The following SMAD5 variants were observed in gnomAD, a reference collection of about 807,000 sequenced individuals.
The protein encoded by SMAD5 is MAD, mothers against decapentaplegic homolog 5.
In SMAD5, 9 loss-of-function variants were observed where a neutral mutation model predicts 43.1. The ratio of observed to expected loss-of-function variants is 0.21; its 90% CI spans 0.13 to 0.36. The LOEUF (loss-of-function observed/expected upper bound fraction) is 0.36, where lower values mean the gene tolerates loss of function less well. Among genes scored for constraint, SMAD5 ranks in the 10% least tolerant of loss-of-function variants. The pLI, the probability that SMAD5 is intolerant of heterozygous loss-of-function variation, is 1.00. For missense variants in SMAD5, 348 were observed against 574.0 expected, an observed-to-expected ratio of 0.61 and a Z score of 4.02; for synonymous variants, 190 against 192.4, an observed-to-expected ratio of 0.99 and a Z score of 0.10.
At chr5:136,172,413 C>T in intron 5 of SMAD5, 21 bp from the exon 6 acceptor site, 1 of 1,429,994 alleles carries the variant, frequency 7.0e-7, no homozygotes, top group Non-Finnish European at 9.8e-7. Context: ...TAAACTCTTT[C>T]TGTGTCTGGT....
Position 136,154,024 on chromosome 5 carries a change from A to G in SMAD5, c.264A>G (p.Ile88Met), listed in dbSNP as rs1450108655. ...ACAGAAAAGGCTTACCCCATGTTAT[A>G]TATTGTCGTGTTTGGCGCTGGCCGG... ...VSHRKGLPHVIYCRVWRWPDL... is the reference protein window; with the variant it reads ...VSHRKGLPHVMYCRVWRWPDL... The change falls in exon 3 of 8, where the codon ATA (isoleucine) becomes ATG (methionine). Residue 88 changes from isoleucine to methionine, a missense_variant. Transcript: ENST00000545279. 1.4e-5 allele frequency: 22 copies of G among 1,609,968 alleles called. No homozygotes were observed. Among genetic ancestry groups the G allele is most frequent in the Non-Finnish European group, 1.8e-5 (21 of 1,178,718 alleles).
At chr5:136,169,829 T>C (rs112445560) in intron 5 of SMAD5, among the ~76,000 whole-genome samples, 113 of 152,342 alleles carry the variant, frequency 7.4e-4, no homozygotes, top group African/African-American at 2.7e-3. Flanking sequence ...TGTGTAGTAG[T>C]ATCTCATAGT....
rs192522144 is a variant in SMAD5 at position 136,158,548 on chromosome 5, A to C, written c.404-2308A>C. Among the ~76,000 whole-genome samples the C allele has an allele frequency of 2.4e-3, 368 of 152,290 alleles. 5 individuals carry two copies. Among genetic ancestry groups the C allele is most frequent in the African/African-American group, 8.7e-3 (361 of 41,544 alleles). On this transcript the variant is annotated intron_variant, in intron 3 of 7. Coordinates refer to ENST00000545279, the MANE Select transcript of SMAD5 (RefSeq NM_005903.7). ...ATCCAGCAGTAGAGAAGGGAAGTCC[A>C]AGGACTTCAGACTTGTAGGAGACTT...
Position 136,163,254 on chromosome 5 carries a change from T to A in SMAD5, c.656-18T>A. Reference sequence around the variant, plus strand: ...TGAGCAGAATGAAGATTTTAATTATTATTTTTTTTCCTCTTAGCTGATACG... The same window carrying A: ...TGAGCAGAATGAAGATTTTAATTATAATTTTTTTTCCTCTTAGCTGATACG... On this transcript the variant is annotated intron_variant, in intron 4 of 7. Transcript: ENST00000545279. 1 of 1,565,820 alleles carries A rather than the reference T, an allele frequency of 6.4e-7. No individual in the cohort carries two copies. The highest frequency in any genetic ancestry group is 1.2e-5 in the South Asian group (1 of 85,700).
chr5:136,180,846 A>T lies in SMAD5; in HGVS notation c.*3366A>T, dbSNP rs929637811. ...TTTTATACCTTTCATAACATTTGAG[A>T]GTAAGATATCCTTCAGGATGTGAAG... On this transcript the variant is annotated 3_prime_UTR_variant, in exon 8 of 8. Transcript: ENST00000545279. 2.0e-5 allele frequency: 3 copies of T among 152,134 alleles called. No individual in the cohort carries two copies. Among genetic ancestry groups the T allele is most frequent in the Non-Finnish European group, 2.9e-5 (2 of 67,984 alleles). 9.4% of individuals were successfully genotyped at this position (152,134 alleles called of 1,614,324 possible).
Position 136,182,495 on chromosome 5 carries a change from A to T in SMAD5, c.*5015A>T, listed in dbSNP as rs948652209. On this transcript the variant is annotated 3_prime_UTR_variant, in exon 8 of 8. Coordinates refer to ENST00000545279, the MANE Select transcript of SMAD5 (RefSeq NM_005903.7). ...TTTCTTAAAAAGATATTTCATATACAGATAATGAAGACCAAGCTAGTGGCT... is the reference window on the plus strand; with the variant it reads ...TTTCTTAAAAAGATATTTCATATACTGATAATGAAGACCAAGCTAGTGGCT... 2.0e-5 allele frequency: 3 copies of T among 152,664 alleles called. No homozygotes were observed. Among genetic ancestry groups the T allele is most frequent in the Admixed American group, 2.0e-4 (3 of 15,278 alleles). 9.5% of individuals were successfully genotyped at this position (152,664 alleles called of 1,614,324 possible). A position where few individuals can be genotyped will look rare whatever the true frequency, so the allele number is the denominator to read the frequency against.
intron 5 of SMAD5, among the ~76,000 whole-genome samples, chr5:136,167,777 CAAAAAA>C (rs1016927753): frequency 2.0e-4 from 11 of 56,394 alleles, no homozygotes; most frequent in Admixed American, 9.7e-4. Flanking sequence ...GATTCCATCT[CAAAAAA>C]AAAAAAAAAA....
rs1444729995 is a variant in SMAD5, at chr5:136,177,671, C to G, written c.*191C>G. Reference sequence around the variant, plus strand: ...TTTGTATTCATGTTCATGTGATTAACTCTTAGAAGTGTTGTAAAAGATGCA... The same window carrying G: ...TTTGTATTCATGTTCATGTGATTAAGTCTTAGAAGTGTTGTAAAAGATGCA... On this transcript the variant is annotated 3_prime_UTR_variant, in exon 8 of 8. Coordinates refer to ENST00000545279, the MANE Select transcript of SMAD5 (RefSeq NM_005903.7). The G allele has an allele frequency of 1.0e-5, 5 of 500,854 alleles. No homozygotes were observed. Among genetic ancestry groups the G allele is most frequent in the African/African-American group, 9.8e-5 (5 of 50,816 alleles). 31.0% of individuals were successfully genotyped at this position (500,854 alleles called of 1,614,324 possible). A position where few individuals can be genotyped will look rare whatever the true frequency, so the allele number is the denominator to read the frequency against.
intron 5 of SMAD5, among the ~76,000 whole-genome samples, chr5:136,169,718 A>G (rs1249618892): frequency 6.6e-6 from 1 of 152,234 alleles, no homozygotes; most frequent in Non-Finnish European, 1.5e-5. Flanking sequence ...AAATGGCTGT[A>G]TCATTTTGCA....
At chr5:136,153,513 TGC>T in intron 2 of SMAD5, 77 bp from the exon 3 acceptor site, 1 of 328,906 alleles carries the variant, frequency 3.0e-6, no homozygotes, top group Non-Finnish European at 5.5e-6. Context: ...TAATAAAATA[TGC>T]CTTTCGATTA....
intron 1 of SMAD5, among the ~76,000 whole-genome samples, chr5:136,146,802 T>TA (rs1753271833): frequency 6.6e-6 from 1 of 151,812 alleles, no homozygotes; most frequent in African/African-American, 2.4e-5. Context: ...ATAGGTGGTT[T>TA]AGTTCCTTTA....
chr5:136,160,219 T>C (rs1188531097), intron 3 of SMAD5, among the ~76,000 whole-genome samples: 1 of 152,214 alleles, frequency 6.6e-6, no homozygotes, highest in Non-Finnish European at 1.5e-5. Context: ...AATATTACCA[T>C]ATTCAATATG....
chr5:136,169,104 G>A lies in SMAD5; in HGVS notation c.776-3330G>A, dbSNP rs184320297. On this transcript the variant is annotated intron_variant, in intron 5 of 7. Transcript: ENST00000545279. ...AACCTCAAAAGTAGGGAACCTGACA[G>A]TGCAGCCTTCAGTCTGTGGCCAAAG... is the stretch of plus-strand genomic sequence containing the variant. 1.8e-3 allele frequency among the ~76,000 whole-genome samples: 272 copies of A among 152,308 alleles called. 1 individual carries two copies. Among genetic ancestry groups the A allele is most frequent in the African/African-American group, 6.1e-3 (254 of 41,556 alleles).
chr5:136,174,686 C>G (rs949662701), intron 7 of SMAD5, 54 bp downstream of exon 7: 18 of 1,272,460 alleles, frequency 1.4e-5, no homozygotes, highest in Middle Eastern at 1.9e-4. Flanking sequence ...TATATTATGA[C>G]TTTAGGTTAT....
chr5:136,146,336 C>G (rs1453973734), intron 1 of SMAD5, among the ~76,000 whole-genome samples: 1 of 151,772 alleles, frequency 6.6e-6, no homozygotes, highest in Non-Finnish European at 1.5e-5. Context: ...GGGATTTTCT[C>G]TATTACTGGA....
At chr5:136,175,161 G>A (rs948568996) in intron 7 of SMAD5, among the ~76,000 whole-genome samples, 12 of 152,164 alleles carry the variant, frequency 7.9e-5, no homozygotes, top group Non-Finnish European at 1.8e-4. Flanking sequence ...ATTCACTACT[G>A]TGAGAACAGT....
At chr5:136,163,716 G>T (rs1269811545) in intron 5 of SMAD5, among the ~76,000 whole-genome samples, 4 of 152,132 alleles carry the variant, frequency 2.6e-5, no homozygotes, top group African/African-American at 9.7e-5. Flanking sequence ...TTGGAATCAT[G>T]TAATAATGTA....
intron 4 of SMAD5, among the ~76,000 whole-genome samples, chr5:136,161,747 CAAGA>C (rs1360774638): frequency 6.6e-6 from 1 of 152,114 alleles, no homozygotes; most frequent in African/African-American, 2.4e-5. Flanking sequence ...ATGTCACTGT[CAAGA>C]AATATTTGAA....
intron 1 of SMAD5, among the ~76,000 whole-genome samples, chr5:136,145,263 C>G (rs1382830013): frequency 6.6e-6 from 1 of 151,782 alleles, no homozygotes; most frequent in Non-Finnish European, 1.5e-5. Context: ...TCATTTCAGT[C>G]TCAGTGTGGA....
Sources: allele counts gnomAD v4.1 joint callset (sites outside exome capture counted in the v4.1 genomes callset), GRCh38; gene constraint gnomAD v4.1.1; transcripts MANE v1.5; gene names NCBI Gene and HGNC (gene_info 2026-07-23, HGNC 2026-07-21).